Variants in KLHL1 observed in about 807,000 individuals in gnomAD.
KLHL1 encodes the protein kelch-like protein 1.
A neutral mutation model predicts 77.7 loss-of-function variants in KLHL1; 47 were observed. The ratio of observed to expected loss-of-function variants is 0.60; its 90% CI spans 0.48 to 0.77. The LOEUF is 0.77. KLHL1 is among the 30% of genes least tolerant of loss of function. The probability of loss-of-function intolerance (pLI) is 0.00; values close to 1 mark genes in which losing one functional copy is unlikely to be tolerated. For synonymous variants in KLHL1, 360 were observed against 325.2 expected, an observed-to-expected ratio of 1.11 and a Z score of -1.15; for missense variants, 925 against 910.8, an observed-to-expected ratio of 1.02 and a Z score of -0.20.
At chr13:69,994,527 C>G (rs934480821) in intron 1 of KLHL1, among the ~76,000 whole-genome samples, 42 of 151,976 alleles carry the variant, frequency 2.8e-4, no homozygotes, top group Non-Finnish European at 5.3e-4. Context: ...CTATTTATGC[C>G]CAAAGGGAAA....
intron 1 of KLHL1, among the ~76,000 whole-genome samples, chr13:69,978,112 G>A (rs1007644231): frequency 6.6e-6 from 1 of 152,054 alleles, no homozygotes; most frequent in Non-Finnish European, 1.5e-5. Flanking sequence ...TGTATTTTAA[G>A]AATTCGGGCT....
chr13:70,054,364 T>C (rs552065684), intron 1 of KLHL1, among the ~76,000 whole-genome samples: 1 of 152,132 alleles, frequency 6.6e-6, no homozygotes, highest in African/African-American at 2.4e-5. Flanking sequence ...CAGTATACAC[T>C]ATTATGTTTC....
rs1414226497 is a variant in KLHL1, at chr13:70,022,275, GTGTGTT to G, written c.498-46479_498-46474del. ...TTTTTCAAAGGTAAGTTGATTACGT[GTGTGTT>G]TGTGTGTGTGTGTGTGTGTGTGTAT... On this transcript the variant is annotated intron_variant, in intron 1 of 10. Transcript: ENST00000377844. 5.0e-3 allele frequency among the ~76,000 whole-genome samples: 432 copies of G among 87,114 alleles called. 2 individuals carry two copies. Among genetic ancestry groups the G allele is most frequent in the Middle Eastern group, 5.5e-3 (1 of 182 alleles). 57.2% of individuals were successfully genotyped at this position (87,114 alleles called of 152,430 possible).
intron 7 of KLHL1, among the ~76,000 whole-genome samples, chr13:69,773,142 T>C (rs944983807): frequency 7.0e-6 from 1 of 142,362 alleles, no homozygotes; most frequent in African/African-American, 2.5e-5. Flanking sequence ...TTTTTGTACA[T>C]GCATAATAGA....
intron 6 of KLHL1, among the ~76,000 whole-genome samples, chr13:69,820,221 C>A (rs562247923): frequency 6.6e-6 from 1 of 152,144 alleles, no homozygotes; most frequent in African/African-American, 2.4e-5. Flanking sequence ...TTCTGATATA[C>A]GTGAATTTCA....
intron 1 of KLHL1, among the ~76,000 whole-genome samples, chr13:70,048,358 C>T (rs764738560): frequency 2.0e-5 from 3 of 152,308 alleles, no homozygotes; most frequent in Non-Finnish European, 4.4e-5. Flanking sequence ...ATGGTCTCTA[C>T]ACTTATCTTT....
At chr13:69,761,091 C>T (rs1566222342) in intron 7 of KLHL1, among the ~76,000 whole-genome samples, 1 of 152,146 alleles carries the variant, frequency 6.6e-6, no homozygotes, top group Non-Finnish European at 1.5e-5. Context: ...CTGGCACCAT[C>T]TGTTAAAAGA....
rs375418523 is a variant in KLHL1 at position 69,707,899 on chromosome 13, CT to C, written c.2016-104del. On this transcript the variant is annotated intron_variant, in intron 9 of 10. Coordinates refer to ENST00000377844, the MANE Select transcript of KLHL1 (RefSeq NM_020866.3). ...AGCCTGTCATGAAAAAGGAAACTAC[CT>C]TTTTTTTTCTCTAAAGGCTCAATCA... 682 of 838,166 alleles carry C rather than the reference CT, an allele frequency of 8.1e-4. 3 individuals are homozygous for C. Among genetic ancestry groups the C allele is most frequent in the African/African-American group, 8.1e-3 (467 of 57,768 alleles). The allele number at this position is 838,166 out of a possible 1,614,324, so 51.9% of individuals were successfully genotyped here.
intron 4 of KLHL1, among the ~76,000 whole-genome samples, chr13:69,889,234 G>T (rs1405220221): frequency 6.6e-6 from 1 of 151,972 alleles, no homozygotes; most frequent in East Asian, 1.9e-4. Flanking sequence ...CTGGGCTTTT[G>T]ATTATTTGCC....
intron 8 of KLHL1, among the ~76,000 whole-genome samples, chr13:69,733,965 T>C (rs9572254): frequency 0.23 from 34,760 of 151,948 alleles, 4,135 homozygotes; most frequent in South Asian, 0.32. Flanking sequence ...CACTCAGTAG[T>C]TGAGTGTAGG....
chr13:70,086,601 AG>A (rs1228277076), intron 1 of KLHL1, among the ~76,000 whole-genome samples: 606 of 38,804 alleles, frequency 0.016, no homozygotes, highest in Middle Eastern at 0.023. Flanking sequence ...AAAGAAAGAA[AG>A]AAAGAAAGAA....
At chr13:69,806,440 C>T (rs1269409464) in intron 6 of KLHL1, among the ~76,000 whole-genome samples, 6 of 152,076 alleles carry the variant, frequency 3.9e-5, no homozygotes, top group African/African-American at 9.7e-5. Context: ...GTAATAAGTA[C>T]ATACTCACAC....
At chr13:69,853,619 A>T (rs1879779199) in intron 5 of KLHL1, among the ~76,000 whole-genome samples, 1 of 152,016 alleles carries the variant, frequency 6.6e-6, no homozygotes, top group Admixed American at 6.6e-5. Context: ...TAATGTGTAG[A>T]TACATACTGG....
chr13:69,988,130 A>G (rs1450625267), intron 1 of KLHL1, among the ~76,000 whole-genome samples: 2 of 151,784 alleles, frequency 1.3e-5, no homozygotes, highest in African/African-American at 4.8e-5. Context: ...TACACCCTCA[A>G]GTTGGCCCCA....
chr13:69,840,762 G>A (rs1879225486), intron 5 of KLHL1, among the ~76,000 whole-genome samples: 2 of 150,112 alleles, frequency 1.3e-5, no homozygotes, highest in African/African-American at 4.9e-5. Flanking sequence ...GGAAAGTTTT[G>A]AAAGGACTAC....
At chr13:69,929,692 G>A (rs1228861508) in intron 4 of KLHL1, among the ~76,000 whole-genome samples, 1 of 151,680 alleles carries the variant, frequency 6.6e-6, no homozygotes, top group East Asian at 1.9e-4. Flanking sequence ...TTAATGCTAA[G>A]AATATATTAT....
At chr13:69,989,371 G>C (rs1371229226) in intron 1 of KLHL1, among the ~76,000 whole-genome samples, 1 of 151,910 alleles carries the variant, frequency 6.6e-6, no homozygotes, top group East Asian at 1.9e-4. Flanking sequence ...TTGTAGTATG[G>C]TTTGAAGTCA....
Position 69,817,904 on chromosome 13 carries a change from G to T in KLHL1, c.1415-20942C>A, listed in dbSNP as rs114117110. Among the ~76,000 whole-genome samples the T allele has an allele frequency of 8.2e-3, 1,247 of 152,170 alleles. 16 individuals carry two copies. The highest frequency in any genetic ancestry group is 0.027 in the African/African-American group (1,140 of 41,508). On this transcript the variant is annotated intron_variant, in intron 6 of 10. Transcript: ENST00000377844. ...TCATTCCTAGAAAGACCTACAGAAT[G>T]TACAATGATGAGGTTCAAAACCCTC... is the stretch of plus-strand genomic sequence containing the variant.
chr13:70,045,282 C>G (rs1566528417), intron 1 of KLHL1, among the ~76,000 whole-genome samples: 1 of 152,050 alleles, frequency 6.6e-6, no homozygotes. Flanking sequence ...CAAATACATC[C>G]TTTTTTGCTT....
Sources: allele counts gnomAD v4.1 joint callset (sites outside exome capture counted in the v4.1 genomes callset), GRCh38; gene constraint gnomAD v4.1.1; transcripts MANE v1.5; gene names NCBI Gene and HGNC (gene_info 2026-07-23, HGNC 2026-07-21).